Variants in AVEN observed in about 807,000 individuals in gnomAD.
AVEN encodes the protein cell death regulator Aven.
AVEN carries 41 observed loss-of-function variants against 38.1 expected under a neutral mutation model. That is an observed-to-expected ratio of 1.08 (90% CI 0.84 to 1.40). The LOEUF (loss-of-function observed/expected upper bound fraction) is 1.40, where lower values mean the gene tolerates loss of function less well. AVEN is among the 40% of genes most tolerant of loss of function. The pLI is 0.00. For synonymous variants in AVEN, 206 were observed against 171.8 expected, an observed-to-expected ratio of 1.20 and a Z score of -1.56; for missense variants, 605 against 438.8, an observed-to-expected ratio of 1.38 and a Z score of -3.38.
chr15:33,936,690 G>A (rs1003234078), intron 2 of AVEN, among the ~76,000 whole-genome samples: 1 of 152,118 alleles, frequency 6.6e-6, no homozygotes, highest in African/African-American at 2.4e-5. Context: ...TCACATGAGA[G>A]AAGAAAGGGC....
At chr15:34,044,041 T>C (rs1177562281), upstream of AVEN, among the ~76,000 whole-genome samples, 2 of 151,302 alleles carry the variant, frequency 1.3e-5, no homozygotes, top group African/African-American at 4.9e-5. Context: ...TACCTTCTAA[T>C]GAATCATTCA....
chr15:33,948,855 C>G (rs1567429036), intron 2 of AVEN, among the ~76,000 whole-genome samples: 1 of 151,796 alleles, frequency 6.6e-6, no homozygotes, highest in Admixed American at 6.6e-5. Context: ...GTATTTTTAT[C>G]GAGACAGGGG....
chr15:34,034,768 G>T (rs1899038679), intron 1 of AVEN, among the ~76,000 whole-genome samples: 1 of 152,168 alleles, frequency 6.6e-6, no homozygotes, highest in African/African-American at 2.4e-5. Flanking sequence ...TGTGTGCAAT[G>T]GTTTGCAGCA....
At chr15:33,906,548 T>G (rs1403783048) in intron 2 of AVEN, among the ~76,000 whole-genome samples, 1 of 152,240 alleles carries the variant, frequency 6.6e-6, no homozygotes, top group Non-Finnish European at 1.5e-5. Context: ...ATATAATAAG[T>G]GGAATTCTCG....
In AVEN at chr15:33,927,825, G is replaced by C. The variant is rs1005877038; in HGVS notation, c.446-51830C>G. On this transcript the variant is annotated intron_variant, in intron 2 of 5. Transcript: ENST00000306730. Reference sequence around the variant, plus strand: ...GGCTTTGGTGTGGCCCTGGAACCTTGGAGGGTCTAGATAAGGGGAAATTTG... The same window carrying C: ...GGCTTTGGTGTGGCCCTGGAACCTTCGAGGGTCTAGATAAGGGGAAATTTG... Among the ~76,000 whole-genome samples the C allele has an allele frequency of 6.6e-5, 10 of 152,176 alleles. No homozygotes were observed. The South Asian group carries it at 8.3e-4, about 13-fold the overall frequency.
At chr15:33,943,255 T>A (rs1161273378) in intron 2 of AVEN, among the ~76,000 whole-genome samples, 1 of 152,228 alleles carries the variant, frequency 6.6e-6, no homozygotes, top group African/African-American at 2.4e-5. Flanking sequence ...ATATACACTA[T>A]GGAACATTAT....
chr15:33,884,648 A>C (rs1264416963), intron 2 of AVEN, among the ~76,000 whole-genome samples: 10 of 152,134 alleles, frequency 6.6e-5, no homozygotes, highest in Admixed American at 6.5e-4. Flanking sequence ...ACAGCTGCCA[A>C]TTTTAAGCTT....
At chr15:33,969,402 ATTTTG>A (rs989564304) in intron 2 of AVEN, among the ~76,000 whole-genome samples, 12 of 152,028 alleles carry the variant, frequency 7.9e-5, no homozygotes, top group African/African-American at 2.6e-4. Flanking sequence ...TTTTATCCCA[ATTTTG>A]TTTTATTTAA....
intron 1 of AVEN, among the ~76,000 whole-genome samples, chr15:34,011,865 C>T (rs770628091): frequency 2.6e-5 from 4 of 152,270 alleles, no homozygotes; most frequent in South Asian, 4.1e-4. Flanking sequence ...CAAGACCTTG[C>T]GAGTTCTATG....
chr15:33,908,890 G>A (rs1892812560), intron 2 of AVEN, among the ~76,000 whole-genome samples: 1 of 152,236 alleles, frequency 6.6e-6, no homozygotes, highest in African/African-American at 2.4e-5. Flanking sequence ...GACAGGAGCA[G>A]TCACCTGGGG....
chr15:33,976,024 T>A (rs912608375), intron 2 of AVEN, among the ~76,000 whole-genome samples: 1 of 152,238 alleles, frequency 6.6e-6, no homozygotes, highest in African/African-American at 2.4e-5. Context: ...GGAGTTGTCC[T>A]GAGTTGTTTC....
intron 2 of AVEN, among the ~76,000 whole-genome samples, chr15:33,912,219 AACGT>A (rs1331528878): frequency 2.0e-5 from 3 of 152,072 alleles, no homozygotes; most frequent in Non-Finnish European, 2.9e-5. Flanking sequence ...GGAAAGAACA[AACGT>A]ATGTTCTTTA....
intron 5 of AVEN, among the ~76,000 whole-genome samples, chr15:34,052,844 G>C (rs1004853769): frequency 6.6e-6 from 1 of 152,124 alleles, no homozygotes; most frequent in Non-Finnish European, 1.5e-5. Flanking sequence ...TGAAATCAGA[G>C]AGGACACAAA....
chr15:33,862,102 C>G (rs1398779565), downstream of AVEN, among the ~76,000 whole-genome samples: 1 of 152,140 alleles, frequency 6.6e-6, no homozygotes, highest in South Asian at 2.1e-4. Flanking sequence ...ATTTTATTAC[C>G]TGATAACTCA....
At chr15:33,857,085 C>T (rs1224363636), downstream of AVEN, among the ~76,000 whole-genome samples, 1 of 152,294 alleles carries the variant, frequency 6.6e-6, no homozygotes, top group African/African-American at 2.4e-5. Context: ...CTATTCAATA[C>T]TTAAGTTCCT....
At chr15:33,896,594 G>C (rs569750241) in intron 2 of AVEN, among the ~76,000 whole-genome samples, 1 of 151,988 alleles carries the variant, frequency 6.6e-6, no homozygotes, top group Non-Finnish European at 1.5e-5. Flanking sequence ...CACCCACCAC[G>C]GCCAATTTCA....
chr15:33,915,203 G>A (rs1279462749), intron 2 of AVEN, among the ~76,000 whole-genome samples: 1 of 152,170 alleles, frequency 6.6e-6, no homozygotes. Context: ...AGAGCAGCAT[G>A]TGGAGACTCA....
At chr15:33,935,467 T>C (rs2153052098) in intron 2 of AVEN, among the ~76,000 whole-genome samples, 1 of 121,678 alleles carries the variant, frequency 8.2e-6, no homozygotes, top group Non-Finnish European at 1.7e-5. Context: ...AAAGCTGCTA[T>C]ATATATTTGT....
intron 1 of AVEN, among the ~76,000 whole-genome samples, chr15:34,071,982 C>T (rs1232670789): frequency 6.6e-6 from 1 of 152,118 alleles, no homozygotes; most frequent in Non-Finnish European, 1.5e-5. Flanking sequence ...TACATATTTT[C>T]TGGCCAGGCA....
Sources: allele counts gnomAD v4.1 joint callset (sites outside exome capture counted in the v4.1 genomes callset), GRCh38; gene constraint gnomAD v4.1.1; transcripts MANE v1.5; gene names NCBI Gene and HGNC (gene_info 2026-07-23, HGNC 2026-07-21).